The following CDC42BPA variants were observed in gnomAD, a reference collection of about 807,000 sequenced individuals.
The protein encoded by CDC42BPA is serine/threonine-protein kinase MRCK alpha.
CDC42BPA carries 80 observed loss-of-function variants against 223.5 expected under a neutral mutation model. The observed-to-expected ratio is 0.36, with a 90% CI of 0.30 to 0.43. The LOEUF is 0.43. CDC42BPA is among the 20% of genes least tolerant of loss of function. The probability of loss-of-function intolerance (pLI) is 1.00; values close to 1 mark genes in which losing one functional copy is unlikely to be tolerated. For missense variants in CDC42BPA, 1,743 were observed against 2,099.9 expected, an observed-to-expected ratio of 0.83 and a Z score of 3.32; for synonymous variants, 694 against 718.6, an observed-to-expected ratio of 0.97 and a Z score of 0.55.
Position 227,317,257 on chromosome 1 carries a change from A to T in CDC42BPA, c.-75T>A, listed in dbSNP as rs1573058375. The T allele has an allele frequency of 6.7e-7, 1 of 1,481,930 alleles. No homozygotes were observed. The highest frequency in any genetic ancestry group is 2.3e-5 in the East Asian group (1 of 43,688). 91.8% of individuals were successfully genotyped at this position (1,481,930 alleles called of 1,614,324 possible). On this transcript the variant is annotated 5_prime_UTR_variant, in exon 1 of 37. Coordinates refer to ENST00000366766, the MANE Select transcript of CDC42BPA (RefSeq NM_001394014.1). Reference sequence around the variant, plus strand: ...TACTATTATCTGAACCTAAATTTTAAAAGGTATGGTTTTAAAAATAAACCA... The same window carrying T: ...TACTATTATCTGAACCTAAATTTTATAAGGTATGGTTTTAAAAATAAACCA...
chr1:227,040,146 C>A lies in CDC42BPA; in HGVS notation c.3184G>T (p.Gly1062Cys). ...GTGTTCTTACCTTCACATGAACAGC[C>A]CTGTCTTATTAAACCCACCATCAAG... The part of the protein sequence containing the change: ...TSLMVGLIRQ[G>C]CSCEVCGFSC... The change falls in exon 24 of 37, where the codon GGC becomes TGC. Residue 1062 changes from glycine to cysteine, a missense_variant. Transcript: ENST00000366766. 6.3e-7 allele frequency: 1 copy of A among 1,599,602 alleles called. No homozygotes were observed. Among genetic ancestry groups the A allele is most frequent in the Non-Finnish European group, 8.6e-7 (1 of 1,167,084 alleles).
intron 12 of CDC42BPA, among the ~76,000 whole-genome samples, chr1:227,116,660 A>T (rs1687822103): frequency 6.6e-6 from 1 of 152,230 alleles, no homozygotes; most frequent in African/African-American, 2.4e-5. Context: ...TCATGTTTAC[A>T]AATAAAAAGA....
chr1:227,139,660 C>T lies in CDC42BPA; in HGVS notation c.1306G>A (p.Asp436Asn). 1.2e-6 allele frequency: 2 copies of T among 1,611,440 alleles called. No homozygotes were observed. Residue 436 changes from aspartate to asparagine, a missense_variant, in exon 10 of 37, where the codon GAC becomes AAC. Asp to Asn is a conservative substitution (Grantham distance 23). Around this residue, in one of 6 missense-constraint regions of CDC42BPA, gnomAD observed 464 missense variants for 488.0 expected, o/e 0.95. Coordinates refer to ENST00000366766, the MANE Select transcript of CDC42BPA (RefSeq NM_001394014.1). ...DLDVNVQRTL[D>N]NNLATEAYER... ...TAAGCTTCAGTTGCTAAGTTGTTGT[C>T]TAGAGTCCTCTGAACATTAACATCA...
rs192099533 is a variant in CDC42BPA at position 227,176,280 on chromosome 1, C to T, written c.600-15644G>A. Among the ~76,000 whole-genome samples the T allele has an allele frequency of 3.2e-4, 48 of 152,162 alleles. No individual in the cohort carries two copies. The East Asian group carries it at 6.0e-3, about 19-fold the overall frequency. On this transcript the variant is annotated intron_variant, in intron 5 of 36. Coordinates refer to ENST00000366766, the MANE Select transcript of CDC42BPA (RefSeq NM_001394014.1). ...CAATGATATCTTCAATTCAAATTCACGACATTAGGGTTTTTAATGATCTCT... is the reference window on the plus strand; with the variant it reads ...CAATGATATCTTCAATTCAAATTCATGACATTAGGGTTTTTAATGATCTCT...
chr1:227,008,344 A>C (rs1023002889), intron 34 of CDC42BPA, among the ~76,000 whole-genome samples: 6 of 152,230 alleles, frequency 3.9e-5, no homozygotes, highest in Non-Finnish European at 5.9e-5. Context: ...GCAAACACTT[A>C]AAAGATGACT....
chr1:227,017,123 A>G (rs533176314), intron 32 of CDC42BPA, 73 bp from the exon 33 acceptor site: 7 of 1,377,974 alleles, frequency 5.1e-6, no homozygotes, highest in African/African-American at 4.3e-5. Context: ...ATTAACCTCC[A>G]AGACAGTACA....
intron 4 of CDC42BPA, among the ~76,000 whole-genome samples, chr1:227,197,204 G>C (rs1358924541): frequency 2.0e-5 from 3 of 152,008 alleles, no homozygotes; most frequent in Non-Finnish European, 4.4e-5. Context: ...AAGTTACTTT[G>C]AAAAACAATT....
chr1:227,076,880 T>C (rs748937334), intron 17 of CDC42BPA, among the ~76,000 whole-genome samples: 37 of 152,246 alleles, frequency 2.4e-4, no homozygotes, highest in Non-Finnish European at 2.6e-4. Context: ...ATACGTGTAA[T>C]TGCTCTAGTA....
At chr1:227,086,569 C>T (rs544967274) in intron 16 of CDC42BPA, among the ~76,000 whole-genome samples, 12 of 152,080 alleles carry the variant, frequency 7.9e-5, no homozygotes, top group South Asian at 4.1e-4. Flanking sequence ...CTCCTAATGA[C>T]GATCATCTTT....
chr1:227,275,702 G>C (rs1179212067), intron 1 of CDC42BPA, among the ~76,000 whole-genome samples: 2 of 150,152 alleles, frequency 1.3e-5, no homozygotes, highest in Admixed American at 6.7e-5. Flanking sequence ...CAACCTCCCT[G>C]CCTGATTCTC....
In CDC42BPA at chr1:227,299,413, C is replaced by G. The variant is rs1381635365; in HGVS notation, c.178+17592G>C. 3.9e-5 allele frequency among the ~76,000 whole-genome samples: 6 copies of G among 152,094 alleles called. No homozygotes were observed. The East Asian group carries it at 1.2e-3, about 29-fold the overall frequency. On this transcript the variant is annotated intron_variant, in intron 1 of 36. Transcript: ENST00000366766. The stretch of plus-strand genomic sequence containing the variant: ...TTTCCAAATACTAGTTATATTACAT[C>G]ATCTCCTTTTACTTCTTTTTTTAAA...
At chr1:227,181,260 A>G (rs1219948295) in intron 5 of CDC42BPA, among the ~76,000 whole-genome samples, 1 of 152,222 alleles carries the variant, frequency 6.6e-6, no homozygotes, top group African/African-American at 2.4e-5. Flanking sequence ...TTCAATTAAC[A>G]CAGGGAAAAA....
chr1:227,197,852 A>T (rs1025215878), intron 4 of CDC42BPA, among the ~76,000 whole-genome samples: 11 of 152,266 alleles, frequency 7.2e-5, no homozygotes, highest in Admixed American at 6.5e-4. Context: ...TTGTTCTTAC[A>T]AATGTTATTA....
At chr1:227,183,743 A>G (rs1572197645) in intron 5 of CDC42BPA, among the ~76,000 whole-genome samples, 1 of 152,234 alleles carries the variant, frequency 6.6e-6, no homozygotes, top group African/African-American at 2.4e-5. Context: ...AGATCATGTT[A>G]CATGCTTAAC....
intron 1 of CDC42BPA, among the ~76,000 whole-genome samples, chr1:227,266,860 T>C (rs1401581076): frequency 2.0e-5 from 3 of 152,234 alleles, no homozygotes; most frequent in Non-Finnish European, 4.4e-5. Flanking sequence ...GTGACCTAAA[T>C]AGTCCATTTA....
chr1:227,268,967 G>A (rs915438582), intron 1 of CDC42BPA, among the ~76,000 whole-genome samples: 1 of 152,092 alleles, frequency 6.6e-6, no homozygotes, highest in African/African-American at 2.4e-5. Context: ...TTACAGGCAC[G>A]AGCCACTGGG....
chr1:227,294,565 A>G (rs965859004), intron 1 of CDC42BPA, among the ~76,000 whole-genome samples: 11 of 136,428 alleles, frequency 8.1e-5, no homozygotes, highest in African/African-American at 3.1e-4. Flanking sequence ...AACTGAAGCA[A>G]AAAGAGGTTA....
intron 3 of CDC42BPA, among the ~76,000 whole-genome samples, chr1:227,202,506 A>G (rs78834956): frequency 0.098 from 14,960 of 152,274 alleles, 873 homozygotes; most frequent in Middle Eastern, 0.17. Flanking sequence ...AACATTCGTT[A>G]TTTAATTTGA....
intron 31 of CDC42BPA, among the ~76,000 whole-genome samples, chr1:227,025,271 C>A (rs1668053015): frequency 6.6e-6 from 1 of 152,050 alleles, no homozygotes; most frequent in African/African-American, 2.4e-5. Context: ...AAAAAATCCA[C>A]AGAAAAGTAA....
Sources: allele counts gnomAD v4.1 joint callset (sites outside exome capture counted in the v4.1 genomes callset), GRCh38; gene constraint gnomAD v4.1.1; regional missense constraint gnomAD v4.1.1; transcripts MANE v1.5; gene names NCBI Gene and HGNC (gene_info 2026-07-23, HGNC 2026-07-21).